Variants in GPC5 observed in about 807,000 individuals in gnomAD.
GPC5 encodes glypican-5.
Under a neutral mutation model 53.9 loss-of-function variants are expected in GPC5, and 47 were observed. The ratio of observed to expected loss-of-function variants is 0.87; its 90% CI spans 0.69 to 1.11. The LOEUF (loss-of-function observed/expected upper bound fraction) is 1.11, where lower values mean the gene tolerates loss of function less well. Ranked by LOEUF, GPC5 falls within the 50% of genes most tolerant of loss-of-function variation. GPC5 has a pLI of 0.00. For missense variants in GPC5, 748 were observed against 713.1 expected (o/e 1.05, Z -0.56); for synonymous variants, 286 against 263.3 (o/e 1.09, Z -0.84).
chr13:92,700,063 A>G (rs925651971), intron 7 of GPC5, among the ~76,000 whole-genome samples: 1 of 152,120 alleles, frequency 6.6e-6, no homozygotes, highest in Admixed American at 6.6e-5. Flanking sequence ...GTGGGAGTCT[A>G]AGTATCTTTG....
chr13:92,559,477 A>G (rs1882622584), intron 7 of GPC5, among the ~76,000 whole-genome samples: 1 of 151,574 alleles, frequency 6.6e-6, no homozygotes, highest in Admixed American at 6.6e-5. Flanking sequence ...CTCAATTCTT[A>G]GAGGTAGAAG....
intron 7 of GPC5, among the ~76,000 whole-genome samples, chr13:92,560,816 T>C (rs1484497078): frequency 6.6e-6 from 1 of 151,312 alleles, no homozygotes; most frequent in Non-Finnish European, 1.5e-5. Context: ...AAAGGCCAGT[T>C]CTCCTCAACG....
At chr13:92,186,765 C>T (rs970430866) in intron 7 of GPC5, among the ~76,000 whole-genome samples, 1 of 152,048 alleles carries the variant, frequency 6.6e-6, no homozygotes, top group Non-Finnish European at 1.5e-5. Context: ...TTTGGCATGA[C>T]GATCAGATGA....
intron 2 of GPC5, among the ~76,000 whole-genome samples, chr13:91,478,707 T>C (rs1025765218): frequency 1.4e-5 from 2 of 147,848 alleles, no homozygotes; most frequent in African/African-American, 4.9e-5. Context: ...TAATAGAAAA[T>C]CAGCTATGAA....
At chr13:92,206,069 C>G (rs1171687832) in intron 7 of GPC5, among the ~76,000 whole-genome samples, 1 of 147,664 alleles carries the variant, frequency 6.8e-6, no homozygotes, top group Non-Finnish European at 1.5e-5. Context: ...AAAAACCCAA[C>G]AACGATTCCA....
intron 7 of GPC5, among the ~76,000 whole-genome samples, chr13:92,161,925 AATTAT>A (rs1405224024): frequency 6.9e-6 from 1 of 143,938 alleles, no homozygotes; most frequent in Non-Finnish European, 1.5e-5. Flanking sequence ...GAATATAAAT[AATTAT>A]ATTTGCCTAT....
chr13:92,204,544 A>C (rs1177883415), intron 7 of GPC5, among the ~76,000 whole-genome samples: 4 of 152,138 alleles, frequency 2.6e-5, no homozygotes, highest in African/African-American at 9.7e-5. Flanking sequence ...AGTCCACACA[A>C]CACTACCCTC....
intron 1 of GPC5, among the ~76,000 whole-genome samples, chr13:91,448,077 A>G (rs1182334389): frequency 1.3e-5 from 2 of 152,228 alleles, no homozygotes; most frequent in African/African-American, 4.8e-5. Flanking sequence ...TACATTTCAT[A>G]TATTAATAAC....
chr13:92,539,845 G>A (rs1416163681), intron 7 of GPC5, among the ~76,000 whole-genome samples: 1 of 151,698 alleles, frequency 6.6e-6, no homozygotes, highest in Non-Finnish European at 1.5e-5. Flanking sequence ...TGTACATTGG[G>A]GCTAGTAATT....
intron 2 of GPC5, among the ~76,000 whole-genome samples, chr13:91,590,602 A>G (rs80028044): frequency 0.074 from 11,306 of 152,238 alleles, 675 homozygotes; most frequent in South Asian, 0.25. Flanking sequence ...TAAAATAAAA[A>G]TTAAGCAAAT....
At chr13:92,145,493 A>C (rs1475632042) in intron 7 of GPC5, among the ~76,000 whole-genome samples, 1 of 152,014 alleles carries the variant, frequency 6.6e-6, no homozygotes, top group Non-Finnish European at 1.5e-5. Context: ...AAAAAAAAAA[A>C]CTCACTAAAC....
chr13:92,409,967 T>C (rs753028787), intron 7 of GPC5, among the ~76,000 whole-genome samples: 1 of 152,312 alleles, frequency 6.6e-6, no homozygotes, highest in East Asian at 1.9e-4. Flanking sequence ...AAATAAGGTG[T>C]GTATGTGTGT....
intron 5 of GPC5, among the ~76,000 whole-genome samples, chr13:91,794,245 G>A (rs1047371285): frequency 1.3e-5 from 2 of 152,046 alleles, no homozygotes; most frequent in African/African-American, 4.8e-5. Context: ...TTTTATCTTA[G>A]ACTAGTGAGA....
intron 1 of GPC5, among the ~76,000 whole-genome samples, chr13:91,399,567 C>T (rs1035219527): frequency 6.6e-6 from 1 of 152,178 alleles, no homozygotes; most frequent in Non-Finnish European, 1.5e-5. Flanking sequence ...CCCAGTGCCC[C>T]ACCGGGGATT....
intron 7 of GPC5, among the ~76,000 whole-genome samples, chr13:92,562,559 C>T (rs1882733460): frequency 1.3e-5 from 2 of 152,056 alleles, no homozygotes; most frequent in Admixed American, 1.3e-4. Context: ...CTGTTAATAA[C>T]CAGAGAATTT....
At chr13:91,620,465 T>G (rs945454290) in intron 2 of GPC5, among the ~76,000 whole-genome samples, 2 of 152,158 alleles carry the variant, frequency 1.3e-5, no homozygotes, top group African/African-American at 4.8e-5. Flanking sequence ...TAATTGTTTC[T>G]TCTTTGGGTA....
intron 2 of GPC5, among the ~76,000 whole-genome samples, chr13:91,513,663 C>T (rs902605563): frequency 2.6e-5 from 4 of 152,112 alleles, no homozygotes; most frequent in African/African-American, 7.2e-5. Context: ...ATCACTTGAA[C>T]CCCGGAGGTA....
intron 3 of GPC5, among the ~76,000 whole-genome samples, chr13:91,700,252 C>T (rs989436665): frequency 2.0e-5 from 3 of 152,064 alleles, no homozygotes; most frequent in Non-Finnish European, 2.9e-5. Context: ...TGAGGCAAGT[C>T]CAAAATTCTT....
At chr13:91,925,584 G>A (rs1171554911) in intron 6 of GPC5, among the ~76,000 whole-genome samples, 2 of 152,116 alleles carry the variant, frequency 1.3e-5, no homozygotes, top group Admixed American at 6.6e-5. Flanking sequence ...TTATGAACTA[G>A]TCTGTTTTGA....
Sources: gnomAD v4.1 joint callset for allele counts (sites outside exome capture counted in the v4.1 genomes callset) on GRCh38, gnomAD v4.1.1 for gene constraint, MANE v1.5 for transcripts, NCBI Gene and HGNC (gene_info 2026-07-23, HGNC 2026-07-21) for gene names.